Variants in COL24A1 observed in about 807,000 individuals in gnomAD.
COL24A1 encodes the protein collagen type XXIV alpha 1 chain.
COL24A1 carries 224 observed loss-of-function variants against 253.9 expected under a neutral mutation model. The ratio of observed to expected loss-of-function variants is 0.88; its 90% CI spans 0.79 to 0.99. The LOEUF (loss-of-function observed/expected upper bound fraction) is 0.99, where lower values mean the gene tolerates loss of function less well. Among genes scored for constraint, COL24A1 ranks in the 50% least tolerant of loss-of-function variants. The pLI is 0.00. For missense variants in COL24A1, 2,131 were observed against 2,068.5 expected (o/e 1.03, Z -0.59); for synonymous variants, 685 against 673.7 (o/e 1.02, Z -0.26).
At chr1:85,868,393 C>T (rs1680024382) in intron 37 of COL24A1, 126 bp downstream of exon 37, 1 of 563,868 alleles carries the variant, frequency 1.8e-6, no homozygotes, top group Non-Finnish European at 3.1e-6. Flanking sequence ...TCTCTAGCCA[C>T]AGTTTCACAT....
intron 37 of COL24A1, 25 bp downstream of exon 37, chr1:85,868,494 T>C: frequency 6.5e-7 from 1 of 1,543,378 alleles, no homozygotes; most frequent in East Asian, 2.2e-5. Context: ...ACTTAGTATT[T>C]GAAAGTGAAC....
intron 14 of COL24A1, among the ~76,000 whole-genome samples, chr1:86,029,696 GC>G (rs1437399204): frequency 6.7e-6 from 1 of 148,778 alleles, no homozygotes; most frequent in Non-Finnish European, 1.5e-5. Context: ...GCTCACTGCT[GC>G]CTCTAACTCC....
At chr1:85,894,280 T>C (rs1375453298) in intron 31 of COL24A1, among the ~76,000 whole-genome samples, 2 of 152,200 alleles carry the variant, frequency 1.3e-5, no homozygotes, top group Non-Finnish European at 2.9e-5. Flanking sequence ...TACACTAAGG[T>C]AATTTAATTC....
intron 14 of COL24A1, among the ~76,000 whole-genome samples, chr1:86,025,793 CCAAA>C (rs1333649183): frequency 6.6e-6 from 1 of 152,152 alleles, no homozygotes; most frequent in African/African-American, 2.4e-5. Context: ...CTTTCCAGTC[CCAAA>C]CATTCATTTT....
intron 7 of COL24A1, among the ~76,000 whole-genome samples, chr1:86,068,514 G>A (rs552720131): frequency 1.3e-5 from 2 of 152,280 alleles, no homozygotes; most frequent in South Asian, 4.1e-4. Flanking sequence ...GTACTCTGGG[G>A]TCCTAGGTAA....
intron 43 of COL24A1, among the ~76,000 whole-genome samples, chr1:85,832,108 G>T (rs1360352262): frequency 6.6e-6 from 1 of 151,910 alleles, no homozygotes; most frequent in African/African-American, 2.4e-5. Flanking sequence ...TTTGTATAAG[G>T]TGTAAGGAAG....
chr1:86,092,189 T>C lies in COL24A1; in HGVS notation c.1653+78A>G, dbSNP rs573635346. The C allele has an allele frequency of 1.1e-4, 128 of 1,140,858 alleles. No homozygotes were observed. In the Middle Eastern group the frequency reaches 2.0e-3, roughly 18 times the overall value. The allele number at this position is 1,140,858 out of a possible 1,614,324, so 70.7% of individuals were successfully genotyped here. Reference sequence around the variant, plus strand: ...TTTTCCTGTCTGATACAGTAAAATCTACATTTAAAAATGCTTAAATTATTT... The same window carrying C: ...TTTTCCTGTCTGATACAGTAAAATCCACATTTAAAAATGCTTAAATTATTT... On this transcript the variant is annotated intron_variant, in intron 6 of 59. Transcript: ENST00000370571.
chr1:85,830,199 G>T (rs926259609), intron 43 of COL24A1, among the ~76,000 whole-genome samples: 44 of 152,186 alleles, frequency 2.9e-4, no homozygotes, highest in African/African-American at 8.9e-4. Context: ...GTGTCAGTCT[G>T]CCCCTGCTGG....
intron 5 of COL24A1, among the ~76,000 whole-genome samples, chr1:86,105,600 G>C (rs1006147697): frequency 3.3e-5 from 5 of 152,086 alleles, no homozygotes; most frequent in Admixed American, 6.5e-5. Context: ...GTTCCCCTAG[G>C]GGAACAGTCT....
intron 19 of COL24A1, among the ~76,000 whole-genome samples, chr1:86,015,877 C>T (rs2390052): frequency 0.32 from 46,486 of 147,350 alleles, 7,819 homozygotes; most frequent in Middle Eastern, 0.51. Context: ...GAAGACTCTA[C>T]TTTTTCTTTT....
chr1:85,926,773 A>G (rs1165809602), intron 24 of COL24A1, among the ~76,000 whole-genome samples: 3 of 152,112 alleles, frequency 2.0e-5, no homozygotes, highest in Non-Finnish European at 2.9e-5. Flanking sequence ...CTATGTAACA[A>G]ACCTGCACGT....
intron 14 of COL24A1, among the ~76,000 whole-genome samples, chr1:86,029,439 A>G (rs56392000): frequency 0.087 from 13,216 of 152,202 alleles, 705 homozygotes; most frequent in Middle Eastern, 0.19. Context: ...ACTACTACAA[A>G]TCTTACCATT....
intron 20 of COL24A1, among the ~76,000 whole-genome samples, chr1:85,973,981 A>G (rs1006485337): frequency 1.3e-5 from 2 of 152,180 alleles, no homozygotes; most frequent in South Asian, 2.1e-4. Flanking sequence ...GGTAAACTAC[A>G]TTGTTTAAGT....
intron 55 of COL24A1, among the ~76,000 whole-genome samples, chr1:85,756,494 T>C (rs1666276122): frequency 6.6e-6 from 1 of 152,054 alleles, no homozygotes; most frequent in African/African-American, 2.4e-5. Flanking sequence ...AAAATGCATG[T>C]GAAAACCACA....
At chr1:86,062,808 G>A (rs577169125) in intron 8 of COL24A1, among the ~76,000 whole-genome samples, 2 of 152,194 alleles carry the variant, frequency 1.3e-5, no homozygotes, top group African/African-American at 4.8e-5. Context: ...CTAGTAATTA[G>A]CAATCTTGAA....
intron 43 of COL24A1, among the ~76,000 whole-genome samples, chr1:85,835,459 T>C (rs1233500082): frequency 3.9e-5 from 6 of 152,168 alleles, no homozygotes; most frequent in Admixed American, 3.9e-4. Flanking sequence ...AATGTTATCA[T>C]ACATAACACA....
chr1:85,741,181 A>T (rs546124522), intron 57 of COL24A1, among the ~76,000 whole-genome samples: 1 of 151,600 alleles, frequency 6.6e-6, no homozygotes, highest in East Asian at 1.9e-4. Context: ...CTTGTTCATT[A>T]TACTTGCAGA....
chr1:85,833,078 C>T (rs1042759949), intron 43 of COL24A1, among the ~76,000 whole-genome samples: 17 of 151,976 alleles, frequency 1.1e-4, no homozygotes, highest in African/African-American at 4.1e-4. Flanking sequence ...ATAGATAGCT[C>T]TTATTATTTT....
At chr1:86,049,837 G>A (rs993431705) in intron 11 of COL24A1, among the ~76,000 whole-genome samples, 5 of 151,656 alleles carry the variant, frequency 3.3e-5, no homozygotes, top group Non-Finnish European at 7.4e-5. Flanking sequence ...TCATTATAAT[G>A]AATTACAAAA....
Sources: allele counts gnomAD v4.1 joint callset (sites outside exome capture counted in the v4.1 genomes callset), GRCh38; gene constraint gnomAD v4.1.1; transcripts MANE v1.5; gene names NCBI Gene and HGNC (gene_info 2026-07-23, HGNC 2026-07-21).